Variants in VSTM4 observed in about 807,000 individuals in gnomAD.
VSTM4 encodes the protein V-set and transmembrane domain-containing protein 4.
A neutral mutation model predicts 36.4 loss-of-function variants in VSTM4; 20 were observed. The observed-to-expected ratio is 0.55, with a 90% CI of 0.39 to 0.80. The LOEUF is 0.80. VSTM4 is among the 30% of genes least tolerant of loss of function. The pLI is 0.00. For synonymous variants in VSTM4, 182 were observed against 173.9 expected, an observed-to-expected ratio of 1.05 and a Z score of -0.37; for missense variants, 392 against 404.5, an observed-to-expected ratio of 0.97 and a Z score of 0.26.
intron 7 of VSTM4, among the ~76,000 whole-genome samples, chr10:49,021,316 GT>G (rs1262773542): frequency 1.3e-5 from 2 of 151,984 alleles, no homozygotes; most frequent in Non-Finnish European, 2.9e-5. Flanking sequence ...TAGGTGGGGA[GT>G]TTTTTAAAAA....
chr10:49,109,347 C>A (rs570563317), intron 1 of VSTM4, among the ~76,000 whole-genome samples: 9 of 152,274 alleles, frequency 5.9e-5, no homozygotes, highest in Non-Finnish European at 1.3e-4. Flanking sequence ...AGCAAGCAGG[C>A]GGCCCTGCGG....
chr10:49,063,022 A>G (rs185764899), intron 5 of VSTM4, among the ~76,000 whole-genome samples: 2 of 144,502 alleles, frequency 1.4e-5, no homozygotes, highest in African/African-American at 5.5e-5. Flanking sequence ...TTGATGATTG[A>G]ATCTTTTTTT....
Position 49,077,589 on chromosome 10 carries a change from G to T in VSTM4, c.527-263C>A, listed in dbSNP as rs553660218. Among the ~76,000 whole-genome samples, 8 of 152,312 alleles carry T rather than the reference G, an allele frequency of 5.3e-5. No homozygotes were observed. The South Asian group carries it at 1.7e-3, about 32-fold the overall frequency. ...GGAAGGACAGTTTCTTCAATCAATG[G>T]TGCTGGGTCAATGGGACTTCCACTG... On this transcript the variant is annotated intron_variant, in intron 3 of 7. Coordinates refer to ENST00000332853, the MANE Select transcript of VSTM4 (RefSeq NM_001031746.5).
chr10:49,063,984 C>T (rs914099774), intron 5 of VSTM4, among the ~76,000 whole-genome samples: 4 of 152,150 alleles, frequency 2.6e-5, no homozygotes, highest in African/African-American at 9.7e-5. Context: ...AATGAGCTTA[C>T]CTGAATGTTT....
intron 7 of VSTM4, 114 bp from the exon 8 acceptor site, chr10:49,019,889 T>C: frequency 7.4e-7 from 1 of 1,344,778 alleles, no homozygotes; most frequent in African/African-American, 1.5e-5. Flanking sequence ...CAGCGAGGGA[T>C]AAGTGGACAA....
At chr10:49,022,294 G>A (rs1266543943) in intron 7 of VSTM4, among the ~76,000 whole-genome samples, 1 of 151,990 alleles carries the variant, frequency 6.6e-6, no homozygotes, top group Non-Finnish European at 1.5e-5. Context: ...TTGTTTGATG[G>A]ACTTTTTAAA....
intron 7 of VSTM4, among the ~76,000 whole-genome samples, chr10:49,024,718 A>C (rs953288948): frequency 6.6e-6 from 1 of 152,202 alleles, no homozygotes; most frequent in African/African-American, 2.4e-5. Flanking sequence ...TTTCAGTGGC[A>C]TCACCTCCTC....
At chr10:49,085,809 C>G (rs1191898637) in intron 3 of VSTM4, 146 bp downstream of exon 3, 1 of 485,762 alleles carries the variant, frequency 2.1e-6, no homozygotes, top group African/African-American at 2.0e-5. Context: ...TTAATGGGTG[C>G]AGCACACCAA....
rs530797362 is a variant in VSTM4, at chr10:49,027,772, G to T, written c.838-7997C>A. ...ATTTATCCCAGTTGTTGCAAGCAAC[G>T]ATTGTCTGCTCCTCTCTGTTGGTAA... is the stretch of plus-strand genomic sequence containing the variant. On this transcript the variant is annotated intron_variant, in intron 7 of 7. Transcript: ENST00000332853. Among the ~76,000 whole-genome samples the T allele has an allele frequency of 5.1e-4, 78 of 152,328 alleles. 1 individual carries two copies. The highest frequency in any genetic ancestry group is 1.6e-3 in the African/African-American group (68 of 41,576).
In VSTM4 at chr10:49,020,978, G is replaced by T. The variant is rs552862292; in HGVS notation, c.838-1203C>A. On this transcript the variant is annotated intron_variant, in intron 7 of 7. Transcript: ENST00000332853. The stretch of plus-strand genomic sequence containing the variant: ...AATAGTAATAGATCAAAAGAGAAAA[G>T]TCATATGATTATAGATGCTAGAAAG... 3.3e-5 allele frequency among the ~76,000 whole-genome samples: 5 copies of T among 152,076 alleles called. No individual in the cohort carries two copies. In the South Asian group the frequency reaches 1.0e-3, roughly 32 times the overall value.
intron 2 of VSTM4, among the ~76,000 whole-genome samples, chr10:49,104,315 A>G (rs1403586564): frequency 2.0e-5 from 3 of 152,000 alleles, no homozygotes; most frequent in Admixed American, 2.0e-4. Flanking sequence ...AACAACAACA[A>G]CAACTATGAA....
intron 1 of VSTM4, 136 bp from the exon 2 acceptor site, chr10:49,108,131 C>A (rs1844824398): frequency 8.0e-7 from 1 of 1,249,450 alleles, no homozygotes; most frequent in African/African-American, 1.5e-5. Context: ...AAGCAGGCGG[C>A]CCCTCACCTC....
intron 4 of VSTM4, among the ~76,000 whole-genome samples, chr10:49,074,241 T>C (rs1489094663): frequency 6.6e-6 from 1 of 152,272 alleles, no homozygotes; most frequent in Non-Finnish European, 1.5e-5. Context: ...CCTTTAATTA[T>C]AAAGCATTAA....
chr10:49,051,374 G>C (rs1165920854), intron 5 of VSTM4, among the ~76,000 whole-genome samples: 2 of 150,618 alleles, frequency 1.3e-5, no homozygotes, highest in Non-Finnish European at 2.9e-5. Context: ...ACTTCTCATG[G>C]CTTGACAGCT....
intron 7 of VSTM4, among the ~76,000 whole-genome samples, chr10:49,036,773 G>T (rs1391139993): frequency 6.6e-6 from 1 of 152,238 alleles, no homozygotes; most frequent in Non-Finnish European, 1.5e-5. Context: ...AGCAGATGTG[G>T]AACAAGGCAG....
At chr10:49,025,516 G>T (rs1043365472) in intron 7 of VSTM4, among the ~76,000 whole-genome samples, 6 of 152,164 alleles carry the variant, frequency 3.9e-5, no homozygotes, top group African/African-American at 1.4e-4. Flanking sequence ...ATCCCCAGCT[G>T]CCTGGCCCGC....
intron 3 of VSTM4, among the ~76,000 whole-genome samples, chr10:49,079,200 T>C (rs1224100641): frequency 1.3e-5 from 2 of 152,126 alleles, no homozygotes; most frequent in East Asian, 3.9e-4. Context: ...TAAACCATGT[T>C]CATGTACATA....
At chr10:49,073,702 A>T (rs1338818892) in intron 4 of VSTM4, among the ~76,000 whole-genome samples, 2 of 152,208 alleles carry the variant, frequency 1.3e-5, no homozygotes, top group African/African-American at 4.8e-5. Flanking sequence ...CTGATTGGGG[A>T]CAATCCTTGA....
chr10:49,023,923 AAGG>A (rs1395264235), intron 7 of VSTM4, among the ~76,000 whole-genome samples: 2 of 152,214 alleles, frequency 1.3e-5, no homozygotes, highest in Non-Finnish European at 2.9e-5. Flanking sequence ...AAACTGCTTG[AAGG>A]AGGAGTTCCA....
Sources: gnomAD v4.1 joint callset for allele counts (sites outside exome capture counted in the v4.1 genomes callset) on GRCh38, gnomAD v4.1.1 for gene constraint, MANE v1.5 for transcripts, NCBI Gene and HGNC (gene_info 2026-07-23, HGNC 2026-07-21) for gene names.